The following CYRIB variants were observed in gnomAD, a reference collection of about 807,000 sequenced individuals.
CYRIB encodes CYFIP related Rac1 interactor B.
CYRIB carries 8 observed loss-of-function variants against 44.2 expected under a neutral mutation model. That is an observed-to-expected ratio of 0.18 (90% CI 0.11 to 0.33). The LOEUF (loss-of-function observed/expected upper bound fraction) is 0.33, where lower values mean the gene tolerates loss of function less well. Ranked by LOEUF, CYRIB falls within the 10% of genes least tolerant of loss-of-function variation. The pLI is 1.00. For missense variants in CYRIB, 185 were observed against 382.8 expected (o/e 0.48, Z 4.31); for synonymous variants, 131 against 127.2 (o/e 1.03, Z -0.20).
chr8:130,006,235 G>A (rs1397500496), intron 1 of CYRIB, among the ~76,000 whole-genome samples: 6 of 151,956 alleles, frequency 3.9e-5, no homozygotes, highest in African/African-American at 7.2e-5. Flanking sequence ...CCCAGGAAGC[G>A]GAGGTTGCAG....
At chr8:129,898,654 T>G (rs1255896248) in intron 2 of CYRIB, among the ~76,000 whole-genome samples, 1 of 152,144 alleles carries the variant, frequency 6.6e-6, no homozygotes, top group Non-Finnish European at 1.5e-5. Flanking sequence ...CTTAAATCTA[T>G]CTCCTCCAGG....
chr8:129,884,864 T>C (rs2062118708), intron 2 of CYRIB, among the ~76,000 whole-genome samples: 1 of 152,234 alleles, frequency 6.6e-6, no homozygotes, highest in Non-Finnish European at 1.5e-5. Flanking sequence ...GAATTTTTTT[T>C]ACTATGAGCC....
chr8:129,949,375 T>C (rs1295509224), intron 2 of CYRIB: 1 of 152,208 alleles, frequency 6.6e-6, no homozygotes, highest in Non-Finnish European at 1.5e-5. Flanking sequence ...ACTTCCCTGT[T>C]TTCAGATGAG....
intron 10 of CYRIB, among the ~76,000 whole-genome samples, chr8:129,847,974 G>T (rs1586943653): frequency 6.6e-6 from 1 of 151,896 alleles, no homozygotes; most frequent in Non-Finnish European, 1.5e-5. Flanking sequence ...GCTAATTTTT[G>T]TATTTTTTTT....
At chr8:129,984,805 G>C (rs570330289) in intron 1 of CYRIB, among the ~76,000 whole-genome samples, 2 of 151,994 alleles carry the variant, frequency 1.3e-5, no homozygotes, top group South Asian at 4.2e-4. Context: ...AGACAGTTTC[G>C]CTCTTGTTGC....
intron 1 of CYRIB, among the ~76,000 whole-genome samples, chr8:129,928,119 C>T (rs949629766): frequency 1.4e-5 from 2 of 147,716 alleles, no homozygotes; most frequent in African/African-American, 5.0e-5. Context: ...CCATTCTTAA[C>T]AGCAAAAAAA....
chr8:129,972,567 G>A (rs563520484), intron 1 of CYRIB, among the ~76,000 whole-genome samples: 4 of 152,056 alleles, frequency 2.6e-5, no homozygotes, highest in South Asian at 2.1e-4. Flanking sequence ...AGAGCAACCC[G>A]TCTCCAAAGA....
chr8:129,914,918 A>C (rs867424878), intron 1 of CYRIB, among the ~76,000 whole-genome samples: 1 of 152,218 alleles, frequency 6.6e-6, no homozygotes, highest in African/African-American at 2.4e-5. Context: ...AATTCACCAA[A>C]GTTAAATGGA....
At chr8:129,890,424 T>A (rs2064807246) in intron 2 of CYRIB, 1 of 152,260 alleles carries the variant, frequency 6.6e-6, no homozygotes, top group Non-Finnish European at 1.5e-5. Context: ...AAGGCTCAGA[T>A]AAGTGTCAGC....
At chr8:129,845,461 A>C (rs554772408) in intron 11 of CYRIB, among the ~76,000 whole-genome samples, 1 of 152,234 alleles carries the variant, frequency 6.6e-6, no homozygotes, top group Admixed American at 6.5e-5. Flanking sequence ...AGAATACAGA[A>C]TTCTAAAAAC....
intron 1 of CYRIB, among the ~76,000 whole-genome samples, chr8:130,014,236 T>C (rs2097290798): frequency 6.6e-6 from 1 of 152,032 alleles, no homozygotes; most frequent in African/African-American, 2.4e-5. Context: ...AGCCCAGGAG[T>C]TCGGGCAACA....
intron 7 of CYRIB, among the ~76,000 whole-genome samples, chr8:129,852,752 A>C (rs1461443344): frequency 6.6e-6 from 1 of 152,216 alleles, no homozygotes; most frequent in East Asian, 1.9e-4. Flanking sequence ...CAGGGGAAAG[A>C]GTATGTTTTC....
intron 2 of CYRIB, among the ~76,000 whole-genome samples, chr8:129,961,070 A>G (rs1591236043): frequency 1.3e-5 from 2 of 152,160 alleles, no homozygotes; most frequent in East Asian, 3.9e-4. Context: ...GAGGGTCAAG[A>G]GGAAGCCCAT....
intron 1 of CYRIB, among the ~76,000 whole-genome samples, chr8:129,921,686 A>G (rs1292008232): frequency 6.6e-6 from 1 of 152,226 alleles, no homozygotes; most frequent in Non-Finnish European, 1.5e-5. Context: ...CAGACATTAT[A>G]TGCCTGATGA....
chr8:129,923,305 G>A lies in CYRIB; in HGVS notation c.-50+16303C>T, dbSNP rs139028296. Among the ~76,000 whole-genome samples the A allele has an allele frequency of 8.6e-3, 1,297 of 151,350 alleles. 13 individuals are homozygous for A. Among genetic ancestry groups the A allele is most frequent in the African/African-American group, 0.026 (1,062 of 41,266 alleles). On this transcript the variant is annotated intron_variant, in intron 1 of 11. Coordinates refer to ENST00000519824, the Ensembl canonical transcript of CYRIB. ...GTATGTATGTTTGAGATAGAGTTTC[G>A]CTCTTGTCACCCAGGCTGGAGTGCA...
chr8:129,949,658 G>A (rs1294968851), intron 2 of CYRIB, among the ~76,000 whole-genome samples: 3 of 151,440 alleles, frequency 2.0e-5, no homozygotes, highest in East Asian at 1.9e-4. Context: ...ATTTGAGGTC[G>A]GGAGTTCGAG....
intron 1 of CYRIB, among the ~76,000 whole-genome samples, chr8:130,009,203 G>A (rs1038335746): frequency 6.6e-6 from 1 of 152,074 alleles, no homozygotes; most frequent in Non-Finnish European, 1.5e-5. Flanking sequence ...TTTTTCAAAG[G>A]CGCCAACCAC....
chr8:129,857,185 G>A (rs976082229), intron 5 of CYRIB, among the ~76,000 whole-genome samples: 8 of 152,108 alleles, frequency 5.3e-5, no homozygotes, highest in African/African-American at 1.9e-4. Flanking sequence ...AGACAGACAT[G>A]CTCCCTGTGC....
chr8:129,930,197 C>G (rs1203931947), intron 1 of CYRIB, among the ~76,000 whole-genome samples: 1 of 150,622 alleles, frequency 6.6e-6, no homozygotes, highest in Non-Finnish European at 1.5e-5. Context: ...AGTGACAGAG[C>G]GAGACTCTGT....
Sources: allele counts gnomAD v4.1 joint callset (sites outside exome capture counted in the v4.1 genomes callset), GRCh38; gene constraint gnomAD v4.1.1; transcripts MANE v1.5; gene names NCBI Gene and HGNC (gene_info 2026-07-23, HGNC 2026-07-21).